Variants in ACOXL observed in about 807,000 individuals in gnomAD.
ACOXL encodes the protein acyl-CoA oxidase like, also known as acyl-coenzyme A oxidase-like protein.
A neutral mutation model predicts 71.9 loss-of-function variants in ACOXL; 70 were observed. That is an observed-to-expected ratio of 0.97 (90% CI 0.80 to 1.19). ACOXL has a LOEUF of 1.19. ACOXL is among the 50% of genes most tolerant of loss of function. The pLI is 0.00. For missense variants in ACOXL, 703 were observed against 736.3 expected, an observed-to-expected ratio of 0.95 and a Z score of 0.52; for synonymous variants, 253 against 281.6, an observed-to-expected ratio of 0.90 and a Z score of 1.02.
At chr2:110,819,098 C>T (rs535038220) in intron 9 of ACOXL, among the ~76,000 whole-genome samples, 7 of 152,222 alleles carry the variant, frequency 4.6e-5, no homozygotes, top group Middle Eastern at 3.4e-3. Flanking sequence ...CATGATGCCA[C>T]GCTAAGAATT....
chr2:110,762,164 T>G (rs1365578088), intron 1 of ACOXL, among the ~76,000 whole-genome samples: 1 of 152,186 alleles, frequency 6.6e-6, no homozygotes, highest in Non-Finnish European at 1.5e-5. Context: ...CATTTCTACT[T>G]TTTCTTTTTG....
chr2:111,006,745 G>C (rs1387598351), intron 14 of ACOXL, among the ~76,000 whole-genome samples: 1 of 151,970 alleles, frequency 6.6e-6, no homozygotes. Context: ...TTTTAGTAGA[G>C]ATGGGATTTC....
At chr2:110,809,461 G>A (rs1254552670) in intron 9 of ACOXL, among the ~76,000 whole-genome samples, 2 of 152,244 alleles carry the variant, frequency 1.3e-5, no homozygotes, top group African/African-American at 2.4e-5. Flanking sequence ...GAGCCTGAAC[G>A]ATGATCTCCA....
At chr2:110,807,058 C>A (rs1404640585) in intron 9 of ACOXL, among the ~76,000 whole-genome samples, 1 of 152,168 alleles carries the variant, frequency 6.6e-6, no homozygotes, top group Non-Finnish European at 1.5e-5. Context: ...CATGGACCAG[C>A]CCCTGCCAGG....
At chr2:110,862,106 C>T (rs758358404) in intron 10 of ACOXL, among the ~76,000 whole-genome samples, 1 of 152,188 alleles carries the variant, frequency 6.6e-6, no homozygotes, top group Non-Finnish European at 1.5e-5. Flanking sequence ...GCCTTCGAAC[C>T]GAGAACCCTC....
At chr2:110,792,312 C>T (rs1299128772) in intron 3 of ACOXL, among the ~76,000 whole-genome samples, 1 of 152,182 alleles carries the variant, frequency 6.6e-6, no homozygotes, top group East Asian at 1.9e-4. Flanking sequence ...GAACTCTGAC[C>T]TGCAGGCACA....
At chr2:111,005,158 C>G (rs912916087) in intron 14 of ACOXL, among the ~76,000 whole-genome samples, 12 of 152,178 alleles carry the variant, frequency 7.9e-5, no homozygotes, top group Non-Finnish European at 2.9e-5. Flanking sequence ...TGGCATTCTC[C>G]CACCACATTG....
At chr2:110,994,447 G>T (rs201781670) in intron 13 of ACOXL, among the ~76,000 whole-genome samples, 1 of 150,124 alleles carries the variant, frequency 6.7e-6, no homozygotes, top group Non-Finnish European at 1.5e-5. Flanking sequence ...AGCCACTTGG[G>T]TTTTTTTTTA....
intron 9 of ACOXL, among the ~76,000 whole-genome samples, chr2:110,826,941 G>T (rs1409797458): frequency 6.6e-6 from 1 of 151,978 alleles, no homozygotes; most frequent in Non-Finnish European, 1.5e-5. Context: ...GTTCAGATGG[G>T]CTCGCTCTCC....
At chr2:110,995,373 G>A (rs7581900) in intron 13 of ACOXL, among the ~76,000 whole-genome samples, 30,784 of 151,086 alleles carry the variant, frequency 0.2, 3,943 homozygotes, top group Middle Eastern at 0.31. Context: ...AGTGGCATGT[G>A]CCTGTAATCC....
chr2:110,889,389 G>A (rs1167747835), intron 10 of ACOXL, among the ~76,000 whole-genome samples: 1 of 152,112 alleles, frequency 6.6e-6, no homozygotes, highest in Non-Finnish European at 1.5e-5. Context: ...TATGCCATAT[G>A]ATGGCTTTTA....
At chr2:111,045,127 C>T (rs765721183) in intron 15 of ACOXL, among the ~76,000 whole-genome samples, 49 of 152,156 alleles carry the variant, frequency 3.2e-4, no homozygotes, top group Non-Finnish European at 5.7e-4. Flanking sequence ...AAAGTGATTC[C>T]GCCAAGAGTC....
chr2:110,932,339 A>G (rs991127479), intron 11 of ACOXL, among the ~76,000 whole-genome samples: 1 of 152,220 alleles, frequency 6.6e-6, no homozygotes, highest in Non-Finnish European at 1.5e-5. Context: ...ATGGGTGTGT[A>G]CGGTTGTCAA....
chr2:110,941,079 C>T (rs150496314), intron 12 of ACOXL, among the ~76,000 whole-genome samples: 34 of 152,274 alleles, frequency 2.2e-4, no homozygotes, highest in Non-Finnish European at 1.8e-4. Context: ...GTTAAATGAA[C>T]GATACTGGTT....
At chr2:110,750,699 G>A (rs1678826740) in intron 1 of ACOXL, among the ~76,000 whole-genome samples, 1 of 150,086 alleles carries the variant, frequency 6.7e-6, no homozygotes, top group Non-Finnish European at 1.5e-5. Context: ...ATATATATAT[G>A]TATAATTTTT....
intron 17 of ACOXL, among the ~76,000 whole-genome samples, chr2:111,104,775 T>C (rs990542045): frequency 6.6e-6 from 1 of 152,168 alleles, no homozygotes; most frequent in Non-Finnish European, 1.5e-5. Flanking sequence ...ATAGCTTGCC[T>C]TCTTACTCTT....
In ACOXL at chr2:110,977,015, G is replaced by A. The variant is rs183177820; in HGVS notation, c.1060-10093G>A. Among the ~76,000 whole-genome samples the A allele has an allele frequency of 8.5e-5, 13 of 152,286 alleles. No individual in the cohort carries two copies. In the East Asian group the frequency reaches 2.1e-3, roughly 25 times the overall value. ...ATTAAAGGTAAAAGATTGGGTAGGA[G>A]ATTTTTGCTTTTTATTTAAGACTAT... On this transcript the variant is annotated intron_variant, in intron 12 of 17. Coordinates refer to ENST00000439055, the MANE Select transcript of ACOXL (RefSeq NM_001142807.4).
At chr2:111,000,149 A>G (rs1412894921) in intron 14 of ACOXL, among the ~76,000 whole-genome samples, 1 of 152,208 alleles carries the variant, frequency 6.6e-6, no homozygotes. Flanking sequence ...AACCTTTATG[A>G]TCTTAACCTG....
At chr2:110,798,497 C>G (rs1685547876) in intron 5 of ACOXL, 113 bp from the exon 6 acceptor site, 2 of 765,366 alleles carry the variant, frequency 2.6e-6, no homozygotes, top group African/African-American at 1.7e-5. Context: ...ACCTCGTGAT[C>G]CACCCACCTC....
Sources: gnomAD v4.1 joint callset for allele counts (sites outside exome capture counted in the v4.1 genomes callset) on GRCh38, gnomAD v4.1.1 for gene constraint, MANE v1.5 for transcripts, NCBI Gene and HGNC (gene_info 2026-07-23, HGNC 2026-07-21) for gene names.